The following KLRG2 variants were observed in gnomAD, a reference collection of about 807,000 sequenced individuals.
The protein encoded by KLRG2 is killer cell lectin-like receptor subfamily G member 2.
KLRG2 carries 39 observed loss-of-function variants against 35.4 expected under a neutral mutation model. That is an observed-to-expected ratio of 1.10 (90% CI 0.85 to 1.44). The LOEUF (loss-of-function observed/expected upper bound fraction) is 1.44, where lower values mean the gene tolerates loss of function less well. Among genes scored for constraint, KLRG2 ranks in the 40% most tolerant of loss-of-function variants. The probability of loss-of-function intolerance (pLI) is 0.00; values close to 1 mark genes in which losing one functional copy is unlikely to be tolerated. For synonymous variants in KLRG2, 283 were observed against 265.8 expected (o/e 1.06, Z -0.63); for missense variants, 632 against 570.9 (o/e 1.11, Z -1.09).
At chr7:139,463,021 C>T (rs1796592847) in intron 3 of KLRG2, among the ~76,000 whole-genome samples, 1 of 152,176 alleles carries the variant, frequency 6.6e-6, no homozygotes, top group African/African-American at 2.4e-5. Context: ...ACACCCGACG[C>T]GGCTTACAGT....
chr7:139,452,337 A>C (rs1406001228), downstream of KLRG2, among the ~76,000 whole-genome samples: 1 of 152,106 alleles, frequency 6.6e-6, no homozygotes, highest in Non-Finnish European at 1.5e-5. Flanking sequence ...CATTAGGAGA[A>C]ATTTCTAATG....
intron 3 of KLRG2, among the ~76,000 whole-genome samples, chr7:139,461,647 A>C (rs956240156): frequency 2.0e-5 from 3 of 151,914 alleles, no homozygotes; most frequent in African/African-American, 7.3e-5. Flanking sequence ...AAGCTCCCCC[A>C]CTGAGCACCT....
At chr7:139,447,461 T>C in the KLRG2 span, among the ~76,000 whole-genome samples, 2 of 150,558 alleles carry the variant, frequency 1.3e-5, no homozygotes, top group African/African-American at 4.9e-5. Context: ...ATTGCAGTGG[T>C]ACGATCTCAG....
At position 139,483,544 on chromosome 7, in the gene KLRG2, C is replaced by A; in HGVS notation, c.99G>T (p.Gln33His). The change falls in exon 1 of 5, where the codon CAG becomes CAT. Residue 33 changes from glutamine (Q) to histidine (H), a missense_variant. Coordinates refer to ENST00000340940, the MANE Select transcript of KLRG2 (RefSeq NM_198508.4). ...CAGGTTGTCGCACCTTCGCGGGCACCTGCGGCTGCTCCAGCGTGGGGACCA... is the reference window on the plus strand; with the variant it reads ...CAGGTTGTCGCACCTTCGCGGGCACATGCGGCTGCTCCAGCGTGGGGACCA... The part of the protein sequence containing the change: ...GSLVPTLEQP[Q>H]VPAKVRQPEG... 1 of 1,598,874 alleles carries A rather than the reference C, an allele frequency of 6.3e-7. No homozygotes were observed.
chr7:139,445,564 G>A, the KLRG2 span, among the ~76,000 whole-genome samples: 2 of 151,602 alleles, frequency 1.3e-5, no homozygotes, highest in Non-Finnish European at 2.9e-5. Flanking sequence ...AGGGAAGAAG[G>A]GACATGAGGC....
chr7:139,442,706 G>T, the KLRG2 span, among the ~76,000 whole-genome samples: 1 of 152,126 alleles, frequency 6.6e-6, no homozygotes, highest in Non-Finnish European at 1.5e-5. Context: ...AATTAGCCAG[G>T]CATTGTGGCA....
chr7:139,446,336 G>GTTTTTTTTTTTT, the KLRG2 span, among the ~76,000 whole-genome samples: 1 of 92,050 alleles, frequency 1.1e-5, no homozygotes, highest in Non-Finnish European at 2.0e-5. Flanking sequence ...ATTTTCCAGG[G>GTTTTTTTTTTTT]TTTTTTTTTT....
chr7:139,476,980 C>A (rs1796861748), intron 3 of KLRG2, among the ~76,000 whole-genome samples: 1 of 152,112 alleles, frequency 6.6e-6, no homozygotes, highest in African/African-American at 2.4e-5. Flanking sequence ...ATTATTGAAT[C>A]CCCCTTGCCA....
At chr7:139,482,363 C>A (rs759235983) in intron 1 of KLRG2, among the ~76,000 whole-genome samples, 2 of 151,852 alleles carry the variant, frequency 1.3e-5, no homozygotes, top group Non-Finnish European at 2.9e-5. Flanking sequence ...TTCGGGAGTG[C>A]GGGTAGGGGA....
At chr7:139,437,118 T>C in the KLRG2 span, among the ~76,000 whole-genome samples, 1 of 152,122 alleles carries the variant, frequency 6.6e-6, no homozygotes, top group African/African-American at 2.4e-5. Context: ...AGACTCTTCC[T>C]ACAGATATTC....
chr7:139,435,964 C>G, the KLRG2 span, among the ~76,000 whole-genome samples: 2,030 of 151,428 alleles, frequency 0.013, 48 homozygotes, highest in African/African-American at 0.046. Flanking sequence ...TGCAATGGCA[C>G]AATCTTGGCT....
At chr7:139,473,082 G>C (rs752727626) in intron 3 of KLRG2, among the ~76,000 whole-genome samples, 1 of 152,214 alleles carries the variant, frequency 6.6e-6, no homozygotes, top group Non-Finnish European at 1.5e-5. Context: ...AGGAGTTTGA[G>C]ACCAGCCTGG....
At chr7:139,479,516 G>A (rs1397271113) in intron 3 of KLRG2, 111 bp downstream of exon 3, 1 of 1,105,250 alleles carries the variant, frequency 9.0e-7, no homozygotes, top group Non-Finnish European at 1.3e-6. Flanking sequence ...TCTACACCTT[G>A]GTGATTTCTA....
chr7:139,459,946 T>C (rs1372822609), intron 3 of KLRG2, among the ~76,000 whole-genome samples: 2 of 152,166 alleles, frequency 1.3e-5, no homozygotes, highest in African/African-American at 4.8e-5. Context: ...GAGACAGGGT[T>C]TCACCATGTT....
chr7:139,436,674 CCTCT>C, the KLRG2 span, among the ~76,000 whole-genome samples: 1 of 152,228 alleles, frequency 6.6e-6, no homozygotes, highest in Non-Finnish European at 1.5e-5. Flanking sequence ...CTACTCTTGG[CCTCT>C]CTAAGGCCCT....
chr7:139,449,565 TAATA>T (rs1181936700), downstream of KLRG2, among the ~76,000 whole-genome samples: 10 of 150,276 alleles, frequency 6.7e-5, no homozygotes, highest in African/African-American at 2.3e-4. Context: ...TTTCTTTCAA[TAATA>T]AATCTTAGCT....
intron 3 of KLRG2, among the ~76,000 whole-genome samples, chr7:139,475,218 G>C (rs28373521): frequency 0.36 from 55,004 of 152,032 alleles, 11,487 homozygotes; most frequent in African/African-American, 0.57. Context: ...ACACATAGAG[G>C]CTAACAGGAA....
At chr7:139,449,593 T>C, downstream of KLRG2, among the ~76,000 whole-genome samples, 1 of 116,500 alleles carries the variant, frequency 8.6e-6, no homozygotes, top group African/African-American at 6.8e-5. Context: ...TGTAACTTCA[T>C]AAATTTTTTA....
At chr7:139,439,889 A>G in the KLRG2 span, among the ~76,000 whole-genome samples, 23 of 152,192 alleles carry the variant, frequency 1.5e-4, no homozygotes, top group African/African-American at 5.1e-4. Context: ...AAACAATTAA[A>G]AAAAACCAAA....
Sources: allele counts gnomAD v4.1 joint callset (sites outside exome capture counted in the v4.1 genomes callset), GRCh38; gene constraint gnomAD v4.1.1; transcripts MANE v1.5; gene names NCBI Gene and HGNC (gene_info 2026-07-23, HGNC 2026-07-21).